The following USP25 variants were observed in gnomAD, a reference collection of about 807,000 sequenced individuals.
USP25 encodes ubiquitin specific peptidase 25.
A neutral mutation model predicts 158.5 loss-of-function variants in USP25; 85 were observed. The observed-to-expected ratio is 0.54, with a 90% CI of 0.45 to 0.64. USP25 has a LOEUF of 0.64. USP25 is among the 30% of genes least tolerant of loss of function. USP25 has a pLI of 0.00. For missense variants in USP25, 1,242 were observed against 1,327.3 expected, an observed-to-expected ratio of 0.94 and a Z score of 1.00; for synonymous variants, 464 against 460.4, an observed-to-expected ratio of 1.01 and a Z score of -0.10.
At chr21:15,799,955 A>G in intron 6 of USP25, 112 bp downstream of exon 6, 1 of 510,728 alleles carries the variant, frequency 2.0e-6, no homozygotes, top group Non-Finnish European at 3.3e-6. Flanking sequence ...GTCAATTTGA[A>G]TGTCAATTCA....
intron 1 of USP25, among the ~76,000 whole-genome samples, chr21:15,754,500 T>A (rs1013923703): frequency 2.4e-4 from 37 of 152,368 alleles, no homozygotes; most frequent in Admixed American, 2.2e-3. Flanking sequence ...AGAGTTCTTG[T>A]CGTCTTTGGA....
rs138690307 is a variant in USP25 at position 15,790,141 on chromosome 21, C to G, written c.393-1361C>G. On this transcript the variant is annotated intron_variant, in intron 4 of 25. Coordinates refer to ENST00000400183, the MANE Select transcript of USP25 (RefSeq NM_001283041.3). ...GATATTCTTTGGTTTTCCTCTGCCC[C>G]AGTTCATCTAACTAAATGTCTTTCA... Among the ~76,000 whole-genome samples the G allele has an allele frequency of 3.9e-4, 60 of 152,064 alleles. No individual in the cohort carries two copies. The East Asian group carries it at 0.011, about 29-fold the overall frequency.
At chr21:15,767,193 C>T (rs2034089671) in intron 3 of USP25, among the ~76,000 whole-genome samples, 1 of 152,070 alleles carries the variant, frequency 6.6e-6, no homozygotes, top group Admixed American at 6.6e-5. Context: ...TTCCTCCTGT[C>T]ATTCAACACT....
intron 9 of USP25, 93 bp from the exon 10 acceptor site, chr21:15,818,604 CA>C (rs1407970311): frequency 1.1e-5 from 12 of 1,112,484 alleles, no homozygotes; most frequent in East Asian, 9.8e-5. Flanking sequence ...GTCAGTGTTA[CA>C]ATTTTCAGGT....
Position 15,813,628 on chromosome 21 carries a change from T to C in USP25, c.931+2418T>C, listed in dbSNP as rs546547550. Among the ~76,000 whole-genome samples the C allele has an allele frequency of 7.9e-5, 12 of 152,312 alleles. No individual in the cohort carries two copies. In the South Asian group the frequency reaches 2.5e-3, roughly 32 times the overall value. The stretch of plus-strand genomic sequence containing the variant: ...TGGCTTTTGAGCTTCTCCCACTCTT[T>C]CTTTCTCATCAATATTTACACATTG... On this transcript the variant is annotated intron_variant, in intron 9 of 25. Coordinates refer to ENST00000400183, the MANE Select transcript of USP25 (RefSeq NM_001283041.3).
intron 6 of USP25, among the ~76,000 whole-genome samples, chr21:15,803,482 A>G (rs1174959162): frequency 1.3e-5 from 2 of 151,846 alleles, no homozygotes; most frequent in Non-Finnish European, 2.9e-5. Flanking sequence ...TCACCATATC[A>G]ACAGACTAAA....
At chr21:15,799,257 C>T (rs1430743727) in intron 5 of USP25, among the ~76,000 whole-genome samples, 5 of 151,224 alleles carry the variant, frequency 3.3e-5, no homozygotes, top group South Asian at 4.1e-4. Flanking sequence ...CTTGAAGTCA[C>T]GACATTTCTA....
chr21:15,784,200 C>T (rs569370900), intron 4 of USP25, among the ~76,000 whole-genome samples: 26 of 152,196 alleles, frequency 1.7e-4, no homozygotes, highest in Non-Finnish European at 3.4e-4. Flanking sequence ...TAATTCCTTC[C>T]GTCCTCTAAT....
Position 15,814,650 on chromosome 21 carries a change from A to C in USP25, c.931+3440A>C, listed in dbSNP as rs144025739. ...ACTGGTGGCATTTTGCCTCTGCCCT[A>C]GAGATTTGTGGAACTTTGAACTTGA... On this transcript the variant is annotated intron_variant, in intron 9 of 25. Transcript: ENST00000400183. Among the ~76,000 whole-genome samples the C allele has an allele frequency of 9.2e-3, 1,403 of 152,324 alleles. 3 individuals carry two copies. Among genetic ancestry groups the C allele is most frequent in the Non-Finnish European group, 0.015 (1,003 of 68,034 alleles).
intron 8 of USP25, 26 bp from the exon 9 acceptor site, chr21:15,811,111 C>T: frequency 6.3e-7 from 1 of 1,588,148 alleles, no homozygotes; most frequent in Non-Finnish European, 8.6e-7. Flanking sequence ...ATTGTAATCA[C>T]ATTTATATTT....
chr21:15,875,807 A>T lies in USP25; in HGVS notation c.3009+1281A>T, dbSNP rs1020699121. Reference sequence around the variant, plus strand: ...TCGATGTCAGATGATGAAGAAACTTAGATGACATTCAAATGAGTTTGCACC... The same window carrying T: ...TCGATGTCAGATGATGAAGAAACTTTGATGACATTCAAATGAGTTTGCACC... On this transcript the variant is annotated intron_variant, in intron 24 of 25. Coordinates refer to ENST00000400183, the MANE Select transcript of USP25 (RefSeq NM_001283041.3). The surrounding 1 kb of genome is among the most constrained non-coding windows in gnomAD (Gnocchi z 4.7). Among the ~76,000 whole-genome samples the T allele has an allele frequency of 1.3e-5, 2 of 152,248 alleles. No homozygotes were observed. Among genetic ancestry groups the T allele is most frequent in the Admixed American group, 6.5e-5 (1 of 15,290 alleles).
rs140655572 is a variant in USP25 at position 15,789,938 on chromosome 21, C to G, written c.393-1564C>G. Among the ~76,000 whole-genome samples, 4 of 151,992 alleles carry G rather than the reference C, an allele frequency of 2.6e-5. No homozygotes were observed. In the East Asian group the frequency reaches 7.7e-4, roughly 29 times the overall value. The stretch of plus-strand genomic sequence containing the variant: ...TAACCTTTCTTTTTTGAGCATAAAC[C>G]AGTCTTGAACAAATTCAGTTTGTTC... On this transcript the variant is annotated intron_variant, in intron 4 of 25. Transcript: ENST00000400183.
chr21:15,873,331 G>A (rs1301173861), intron 23 of USP25, among the ~76,000 whole-genome samples: 2 of 151,562 alleles, frequency 1.3e-5, no homozygotes, highest in African/African-American at 4.9e-5. Flanking sequence ...ATGTTGGCCA[G>A]GCAGGTCTTG....
chr21:15,837,900 A>G (rs536931737), intron 17 of USP25, among the ~76,000 whole-genome samples: 86 of 152,002 alleles, frequency 5.7e-4, no homozygotes, highest in African/African-American at 1.9e-3. Flanking sequence ...CAGTATCGTC[A>G]GTGTTCTCAG....
At chr21:15,855,372 A>G (rs1482077688) in intron 20 of USP25, among the ~76,000 whole-genome samples, 1 of 152,180 alleles carries the variant, frequency 6.6e-6, no homozygotes, top group East Asian at 1.9e-4. Context: ...TGTTTATTAG[A>G]ATATAAAACA....
chr21:15,809,584 A>G (rs917853514), intron 8 of USP25, among the ~76,000 whole-genome samples: 1 of 152,332 alleles, frequency 6.6e-6, no homozygotes, highest in Non-Finnish European at 1.5e-5. Context: ...TGTGGAAAAC[A>G]GTATGGGGAT....
intron 9 of USP25, 99 bp downstream of exon 9, chr21:15,811,309 A>C: frequency 9.5e-7 from 1 of 1,055,498 alleles, no homozygotes; most frequent in Non-Finnish European, 1.4e-6. Context: ...TTTATTTTTA[A>C]TTTGATATAT....
intron 5 of USP25, among the ~76,000 whole-genome samples, chr21:15,798,386 C>T (rs543440213): frequency 5.3e-5 from 8 of 151,216 alleles, no homozygotes; most frequent in South Asian, 4.1e-4. Flanking sequence ...TTTCTCCACT[C>T]GTTTTTCTTC....
intron 20 of USP25, among the ~76,000 whole-genome samples, chr21:15,857,822 A>T (rs190066797): frequency 9.9e-5 from 15 of 152,154 alleles, no homozygotes; most frequent in Admixed American, 4.6e-4. Context: ...GTTTTATAAT[A>T]CTTTTTGTTT....
Sources: allele counts gnomAD v4.1 joint callset (sites outside exome capture counted in the v4.1 genomes callset), GRCh38; gene constraint gnomAD v4.1.1; non-coding constraint Gnocchi (gnomAD v3.1); transcripts MANE v1.5; gene names NCBI Gene and HGNC (gene_info 2026-07-23, HGNC 2026-07-21).